The following ZNF324B variants were observed in gnomAD, a reference collection of about 807,000 sequenced individuals.
The protein encoded by ZNF324B is zinc finger protein 324B.
In ZNF324B, 7 loss-of-function variants were observed where a neutral mutation model predicts 10.6. The observed-to-expected ratio is 0.66, with a 90% confidence interval of 0.38 to 1.24. ZNF324B has a LOEUF of 1.24. ZNF324B is among the 50% of genes most tolerant of loss of function. The pLI is 0.02. For missense variants in ZNF324B, 640 were observed against 764.7 expected (o/e 0.84, Z 1.92); for synonymous variants, 316 against 321.0 (o/e 0.98, Z 0.17).
At chr19:58,446,769 G>T (rs77137197), upstream of ZNF324B, among the ~76,000 whole-genome samples, 52 of 151,742 alleles carry the variant, frequency 3.4e-4, 1 homozygote, top group East Asian at 9.1e-3. Context: ...TAGAGACAGG[G>T]TTTCACCATG....
chr19:58,435,873 C>T, the ZNF324B span, among the ~76,000 whole-genome samples: 15 of 152,274 alleles, frequency 9.9e-5, no homozygotes, highest in East Asian at 3.9e-4. Flanking sequence ...CCTGAGTAGA[C>T]GGATTATAGG....
rs202211721 is a variant in ZNF324B at position 58,454,263 on chromosome 19, C to T, written c.157C>T (p.Leu53Phe). The change falls in exon 3 of 4, where the codon CTT (leucine) becomes TTT (phenylalanine). Residue 53 changes from leucine to phenylalanine, a missense_variant. Leu to Phe is a conservative substitution (Grantham distance 22, BLOSUM62 0). Coordinates refer to ENST00000336614, the MANE Select transcript of ZNF324B (RefSeq NM_207395.3). ...STSRPRVVIQ[L>F]ERGEEPWVPS... Reference sequence around the variant, plus strand: ...CTCCCGACCTCGTGTGGTCATTCAACTTGAGCGTGGCGAGGAGCCCTGGGT... The same window carrying T: ...CTCCCGACCTCGTGTGGTCATTCAATTTGAGCGTGGCGAGGAGCCCTGGGT... 3.7e-6 allele frequency: 6 copies of T among 1,614,136 alleles called. No homozygotes were observed. In the East Asian group the frequency reaches 1.3e-4, roughly 36 times the overall value.
chr19:58,448,462 C>T (rs1026966654), upstream of ZNF324B, among the ~76,000 whole-genome samples: 5 of 152,140 alleles, frequency 3.3e-5, no homozygotes, highest in South Asian at 2.1e-4. Flanking sequence ...CAGTGGCTCA[C>T]GCCTGTAATC....
chr19:58,422,922 T>A, the ZNF324B span, among the ~76,000 whole-genome samples: 1 of 152,306 alleles, frequency 6.6e-6, no homozygotes, highest in Admixed American at 6.5e-5. Context: ...CAGGCTGGAG[T>A]GCAATGGCAC....
At chr19:58,425,997 A>T in the ZNF324B span, among the ~76,000 whole-genome samples, 1 of 152,166 alleles carries the variant, frequency 6.6e-6, no homozygotes, top group Non-Finnish European at 1.5e-5. Flanking sequence ...TTCTTGAATC[A>T]CAGTGGTGTC....
rs574720223 is a variant in ZNF324B, at chr19:58,454,548, A to G, written c.238+204A>G. 8 of 586,758 alleles carry G rather than the reference A, an allele frequency of 1.4e-5. No homozygotes were observed. In the South Asian group the frequency reaches 1.5e-4, roughly 11 times the overall value. The allele number at this position is 586,758 out of a possible 1,614,324, so 36.3% of individuals were successfully genotyped here. ...CCAAGGGCACAGGAGCTGGGTTCAC[A>G]CAGAAGGGCCTACCTTCAGCTGGGC... is the stretch of plus-strand genomic sequence containing the variant. On this transcript the variant is annotated intron_variant, in intron 3 of 3. Transcript: ENST00000336614.
chr19:58,427,030 T>C, the ZNF324B span, among the ~76,000 whole-genome samples: 1 of 152,254 alleles, frequency 6.6e-6, no homozygotes, highest in Non-Finnish European at 1.5e-5. Flanking sequence ...TTGGCTGCTG[T>C]ATACTGAGAC....
Position 58,455,399 on chromosome 19 carries a change from G to A in ZNF324B, c.455G>A (p.Arg152His), listed in dbSNP as rs373772104. 38 of 1,614,198 alleles carry A rather than the reference G, an allele frequency of 2.4e-5. No homozygotes were observed. The highest frequency in any genetic ancestry group is 3.1e-5 in the Non-Finnish European group (36 of 1,180,034). ...IYWERLLLGS[R>H]SDQASISLRL... ...TGGGAGAGGCTCCTGCTAGGCTCGC[G>A]CAGTGACCAGGCCAGCATCAGCCTG... The change falls in exon 4 of 4, where the codon CGC (arginine) becomes CAC (histidine). Residue 152 changes from arginine to histidine, a missense_variant. This residue lies in a region of ZNF324B where 345 missense variants were observed against 387.9 expected (regional missense o/e 0.89). Transcript: ENST00000336614. This position sits in a 1 kb window ranked among gnomAD's most constrained non-coding sequence, Gnocchi z 7.0.
At chr19:58,446,573 CTT>C in the ZNF324B span, among the ~76,000 whole-genome samples, 29 of 102,504 alleles carry the variant, frequency 2.8e-4, 1 homozygote, top group South Asian at 3.2e-4. Flanking sequence ...ATTTCTTTCT[CTT>C]TTTTTTTTTT....
chr19:58,434,439 A>T, the ZNF324B span: 1 of 1,614,256 alleles, frequency 6.2e-7, no homozygotes, highest in Non-Finnish European at 8.5e-7. Context: ...TCTGATGATG[A>T]ACAAATGTGA....
the ZNF324B span, chr19:58,437,240 C>A: frequency 3.7e-5 from 58 of 1,567,170 alleles, no homozygotes; most frequent in Middle Eastern, 1.2e-3. Flanking sequence ...AACAATTGGT[C>A]AAATGGAAAT....
At chr19:58,434,255 G>A in the ZNF324B span, 1 of 1,614,144 alleles carries the variant, frequency 6.2e-7, no homozygotes, top group Admixed American at 1.7e-5. Context: ...ACCTGTGTGT[G>A]AACTTTCTGA....
the ZNF324B span, chr19:58,432,214 C>A: frequency 2.2e-6 from 1 of 455,674 alleles, no homozygotes; most frequent in South Asian, 1.6e-5. Context: ...CTTCTCTCAG[C>A]TCCCAGTTCC....
chr19:58,432,876 G>T, the ZNF324B span: 3 of 172,922 alleles, frequency 1.7e-5, no homozygotes, highest in African/African-American at 7.2e-5. Context: ...TGATTCCAGT[G>T]GAGGGTGATT....
At chr19:58,424,882 C>T in the ZNF324B span, among the ~76,000 whole-genome samples, 13 of 152,066 alleles carry the variant, frequency 8.5e-5, no homozygotes, top group African/African-American at 2.7e-4. Flanking sequence ...AGTATCTACC[C>T]AAGAGAATTC....
chr19:58,456,126 G>A lies in ZNF324B; in HGVS notation c.1182G>A (p.Glu394=), dbSNP rs774821814. Residue 394 remains glutamate, a synonymous_variant, in exon 4 of 4, where the codon GAG becomes GAA. Coordinates refer to ENST00000336614, the MANE Select transcript of ZNF324B (RefSeq NM_207395.3). This position sits in a 1 kb window ranked among gnomAD's most constrained non-coding sequence, Gnocchi z 4.7. ...LIQHERTHTG[E]KPFVCALCGA... ...AGCACGAGCGTACGCACACAGGCGA[G>A]AAGCCCTTCGTATGCGCGCTCTGCG... 1 of 1,613,470 alleles carries A rather than the reference G, an allele frequency of 6.2e-7. No homozygotes were observed. The highest frequency in any genetic ancestry group is 8.5e-7 in the Non-Finnish European group (1 of 1,179,866).
chr19:58,436,874 CAG>C, the ZNF324B span: 3 of 904,742 alleles, frequency 3.3e-6, no homozygotes, highest in South Asian at 1.3e-5. Flanking sequence ...TGAGGCTGCT[CAG>C]AGAGAGACAG....
the ZNF324B span, among the ~76,000 whole-genome samples, chr19:58,427,344 TC>T: frequency 0.13 from 3,872 of 28,914 alleles, 178 homozygotes; most frequent in African/African-American, 0.25. Flanking sequence ...TCTTTCTTTC[TC>T]TTTCCTTTCT....
chr19:58,453,432 G>A (rs903366089), intron 1 of ZNF324B, among the ~76,000 whole-genome samples: 1 of 152,214 alleles, frequency 6.6e-6, no homozygotes, highest in African/African-American at 2.4e-5. Context: ...TGGTGTGGCA[G>A]CTAAGGGCCC....
Sources: allele counts gnomAD v4.1 joint callset (sites outside exome capture counted in the v4.1 genomes callset), GRCh38; gene constraint gnomAD v4.1.1; regional missense constraint gnomAD v4.1.1; non-coding constraint Gnocchi (gnomAD v3.1); transcripts MANE v1.5; gene names NCBI Gene and HGNC (gene_info 2026-07-23, HGNC 2026-07-21).